The following PPP1R2 variants were observed in gnomAD, a reference collection of about 807,000 sequenced individuals.
PPP1R2 encodes the protein protein phosphatase 1 regulatory inhibitor subunit 2, also known as protein phosphatase inhibitor 2.
Under a neutral mutation model 29.9 loss-of-function variants are expected in PPP1R2, and 16 were observed. The ratio of observed to expected loss-of-function variants is 0.53; its 90% confidence interval spans 0.36 to 0.81. The LOEUF (loss-of-function observed/expected upper bound fraction) is 0.81. Ranked by LOEUF, PPP1R2 falls within the 30% of genes least tolerant of loss-of-function variation. PPP1R2 has a pLI of 0.00. For missense variants in PPP1R2, 197 were observed against 252.7 expected (o/e 0.78, Z 1.49); for synonymous variants, 76 against 91.5 (o/e 0.83, Z 0.96).
intron 4 of PPP1R2, among the ~76,000 whole-genome samples, chr3:195,520,104 G>A (rs1316339091): frequency 6.6e-6 from 1 of 151,998 alleles, no homozygotes; most frequent in Non-Finnish European, 1.5e-5. Context: ...TAGCCTCCTA[G>A]GTTTAAGCGA....
intron 1 of PPP1R2, among the ~76,000 whole-genome samples, chr3:195,539,427 A>G (rs371820566): frequency 1.3e-4 from 20 of 152,334 alleles, no homozygotes; most frequent in African/African-American, 4.8e-4. Flanking sequence ...CATTAAAGAC[A>G]TAAGTACTGG....
chr3:195,520,145 G>T (rs1274526556), intron 4 of PPP1R2, among the ~76,000 whole-genome samples: 1 of 152,092 alleles, frequency 6.6e-6, no homozygotes, highest in Non-Finnish European at 1.5e-5. Context: ...GAGTAGTTGG[G>T]ATCACAGGCA....
chr3:195,523,572 T>G (rs1422712510), intron 4 of PPP1R2, 120 bp downstream of exon 4: 1 of 738,772 alleles, frequency 1.4e-6, no homozygotes, highest in East Asian at 2.7e-5. Context: ...AGATGTTGCT[T>G]TCATTCTCCT....
At chr3:195,540,708 C>T (rs1480854613) in intron 1 of PPP1R2, among the ~76,000 whole-genome samples, 2 of 152,102 alleles carry the variant, frequency 1.3e-5, no homozygotes, top group Non-Finnish European at 2.9e-5. Flanking sequence ...TGAGCTGGCA[C>T]GCTCAGCTTC....
chr3:195,542,645 T>C (rs114601667), intron 1 of PPP1R2, among the ~76,000 whole-genome samples: 1,754 of 152,300 alleles, frequency 0.012, 44 homozygotes, highest in African/African-American at 0.041. Flanking sequence ...TTCTTTGATG[T>C]TCCCGATTAC....
intron 4 of PPP1R2, chr3:195,519,481 G>C: frequency 3.6e-6 from 1 of 278,250 alleles, no homozygotes; most frequent in Non-Finnish European, 6.6e-6. Context: ...TCCAGAAAGA[G>C]TTAAATGGTG....
At chr3:195,516,970 T>C (rs1260696105) in intron 5 of PPP1R2, 28 bp from the exon 6 acceptor site, 1 of 1,589,374 alleles carries the variant, frequency 6.3e-7, no homozygotes, top group Non-Finnish European at 8.6e-7. Flanking sequence ...AAAGTCAACA[T>C]AATTTGTTAT....
chr3:195,542,807 G>A (rs1202819220), intron 1 of PPP1R2, 97 bp downstream of exon 1: 5 of 1,395,316 alleles, frequency 3.6e-6, no homozygotes, highest in African/African-American at 3.0e-5. Flanking sequence ...AGCGGCACCC[G>A]AGCCGCATCC....
chr3:195,528,035 G>C (rs1234219075), intron 2 of PPP1R2: 2 of 304,860 alleles, frequency 6.6e-6, no homozygotes, highest in East Asian at 1.9e-4. Flanking sequence ...GAAACAAGTG[G>C]TGTTTGGTTA....
At position 195,522,678 on chromosome 3, in the gene PPP1R2, T is replaced by C. The variant is rs545258956; in HGVS notation, c.403+1014A>G. 5.9e-5 allele frequency among the ~76,000 whole-genome samples: 9 copies of C among 152,320 alleles called. 1 individual carries two copies. The South Asian group carries it at 1.9e-3, about 32-fold the overall frequency. ...CAATACAACTTGAGAATATGCTACA[T>C]GTAAAATTTCTCTCGTACAAATATT... On this transcript the variant is annotated intron_variant, in intron 4 of 5. Coordinates refer to ENST00000618156, the MANE Select transcript of PPP1R2 (RefSeq NM_006241.8).
chr3:195,537,386 G>T (rs984953768), intron 1 of PPP1R2, among the ~76,000 whole-genome samples: 1 of 151,556 alleles, frequency 6.6e-6, no homozygotes, highest in Non-Finnish European at 1.5e-5. Flanking sequence ...GAACTTTATA[G>T]TTCACTCCAT....
intron 2 of PPP1R2, chr3:195,528,592 C>T (rs1414707998): frequency 6.6e-6 from 1 of 151,546 alleles, no homozygotes. Context: ...CAGCAGTTAC[C>T]TCTATTTTAA....
chr3:195,521,522 T>G (rs1718763011), intron 4 of PPP1R2, among the ~76,000 whole-genome samples: 1 of 152,084 alleles, frequency 6.6e-6, no homozygotes, highest in South Asian at 2.1e-4. Flanking sequence ...TTTGTTTTTA[T>G]TTTGTGAAGG....
chr3:195,524,993 T>G (rs1336875603), intron 2 of PPP1R2, 97 bp from the exon 3 acceptor site: 1 of 949,556 alleles, frequency 1.1e-6, no homozygotes, highest in Non-Finnish European at 1.7e-6. Context: ...ACTTAACATA[T>G]CAATATATTT....
At chr3:195,538,124 T>C (rs1719462123) in intron 1 of PPP1R2, among the ~76,000 whole-genome samples, 1 of 152,256 alleles carries the variant, frequency 6.6e-6, no homozygotes. Flanking sequence ...TCTGCCATGA[T>C]GGTGAAAGCA....
intron 1 of PPP1R2, among the ~76,000 whole-genome samples, chr3:195,533,602 G>C (rs1719269220): frequency 6.6e-6 from 1 of 152,190 alleles, no homozygotes; most frequent in South Asian, 2.1e-4. Flanking sequence ...GAGTACCTTA[G>C]ATGGAGCTCT....
chr3:195,526,531 T>C (rs1215431442), intron 2 of PPP1R2, among the ~76,000 whole-genome samples: 1 of 152,238 alleles, frequency 6.6e-6, no homozygotes, highest in African/African-American at 2.4e-5. Flanking sequence ...AAATAACTTT[T>C]CTGGTTATTT....
intron 4 of PPP1R2, among the ~76,000 whole-genome samples, chr3:195,521,921 G>T (rs997757621): frequency 3.9e-5 from 6 of 152,142 alleles, no homozygotes; most frequent in African/African-American, 1.4e-4. Context: ...AAAGTGCTGG[G>T]ATTACAGGCA....
chr3:195,532,218 T>TTC (rs796983401), intron 1 of PPP1R2, among the ~76,000 whole-genome samples: 17 of 145,580 alleles, frequency 1.2e-4, no homozygotes, highest in Non-Finnish European at 1.5e-4. Flanking sequence ...TCTTTTTCTT[T>TTC]TTTTTTTTTT....
Sources: gnomAD v4.1 joint callset for allele counts (sites outside exome capture counted in the v4.1 genomes callset) on GRCh38, gnomAD v4.1.1 for gene constraint, MANE v1.5 for transcripts, NCBI Gene and HGNC (gene_info 2026-07-23, HGNC 2026-07-21) for gene names.